The following ERCC6 variants were observed in gnomAD, a reference collection of about 807,000 sequenced individuals.
ERCC6 encodes the protein DNA excision repair protein ERCC-6.
Under a neutral mutation model 158.7 loss-of-function variants are expected in ERCC6, and 116 were observed. The observed-to-expected ratio is 0.73, with a 90% CI of 0.63 to 0.85. The LOEUF (loss-of-function observed/expected upper bound fraction) is 0.85. Ranked by LOEUF, ERCC6 falls within the 40% of genes least tolerant of loss-of-function variation. The pLI, the probability that ERCC6 is intolerant of heterozygous loss-of-function variation, is 0.00. For synonymous variants in ERCC6, 678 were observed against 659.3 expected (o/e 1.03, Z -0.43); for missense variants, 1,698 against 1,799.4 (o/e 0.94, Z 1.02).
At chr10:49,467,998 G>C (rs1261475896) in intron 18 of ERCC6, among the ~76,000 whole-genome samples, 2 of 152,156 alleles carry the variant, frequency 1.3e-5, no homozygotes, top group Non-Finnish European at 1.5e-5. Flanking sequence ...CCCTACTACA[G>C]AGGCAAGACC....
At chr10:49,506,247 A>C in intron 5 of ERCC6, 1 of 551,382 alleles carries the variant, frequency 1.8e-6, no homozygotes, top group South Asian at 2.2e-5. Flanking sequence ...TATTTCTTTA[A>C]GGTCTCATTT....
chr10:49,499,781 A>G (rs1454161694), intron 7 of ERCC6, among the ~76,000 whole-genome samples: 2 of 152,234 alleles, frequency 1.3e-5, no homozygotes, highest in Non-Finnish European at 2.9e-5. Context: ...ACCATATCAA[A>G]TAGATTAAAT....
the ERCC6 span, among the ~76,000 whole-genome samples, chr10:49,447,950 G>A: frequency 3.3e-5 from 5 of 152,098 alleles, no homozygotes; most frequent in South Asian, 2.1e-4. Context: ...GTCAATGGAC[G>A]CTTCAACTGT....
downstream of ERCC6, among the ~76,000 whole-genome samples, chr10:49,452,750 G>C (rs994856110): frequency 1.1e-4 from 17 of 151,786 alleles, no homozygotes; most frequent in African/African-American, 4.1e-4. Flanking sequence ...TTTTGATACT[G>C]TTAAGTTCAT....
chr10:49,516,421 C>T, intron 5 of ERCC6: 1 of 1,614,138 alleles, frequency 6.2e-7, no homozygotes, highest in South Asian at 1.1e-5. Context: ...GCATTGTCAG[C>T]AACATGCAAA....
At chr10:49,493,399 A>C in intron 7 of ERCC6, 147 bp from the exon 8 acceptor site, 2 of 1,031,660 alleles carry the variant, frequency 1.9e-6, no homozygotes, top group African/African-American at 1.6e-5. Flanking sequence ...TTTCTTTAAG[A>C]AAAAGTTACT....
intron 11 of ERCC6, among the ~76,000 whole-genome samples, chr10:49,477,307 CT>C (rs1175112818): frequency 6.6e-6 from 1 of 152,138 alleles, no homozygotes; most frequent in Non-Finnish European, 1.5e-5. Flanking sequence ...GGAAGAGGTT[CT>C]TGTACAGGAT....
At chr10:49,496,114 T>C (rs1010863688) in intron 7 of ERCC6, among the ~76,000 whole-genome samples, 3 of 152,200 alleles carry the variant, frequency 2.0e-5, no homozygotes, top group Non-Finnish European at 4.4e-5. Context: ...ACCTTCACCA[T>C]GTCCTGGTTA....
At chr10:49,521,763 A>G (rs2132614931) in intron 5 of ERCC6, among the ~76,000 whole-genome samples, 1 of 152,332 alleles carries the variant, frequency 6.6e-6, no homozygotes, top group East Asian at 1.9e-4. Flanking sequence ...TTAAAACTTC[A>G]AAGACTGAGC....
chr10:49,479,239 C>T (rs900266376), intron 10 of ERCC6, among the ~76,000 whole-genome samples: 2 of 151,992 alleles, frequency 1.3e-5, no homozygotes, highest in Non-Finnish European at 2.9e-5. Flanking sequence ...ATTACTATTT[C>T]ATGGAAAAAA....
At chr10:49,505,788 C>A in intron 6 of ERCC6, 96 bp downstream of exon 6, 1 of 1,456,076 alleles carries the variant, frequency 6.9e-7, no homozygotes, top group South Asian at 1.2e-5. Flanking sequence ...CAAGTACCTT[C>A]AGGGCCCACA....
intron 1 of ERCC6, 47 bp from the exon 2 acceptor site, chr10:49,533,025 T>C: frequency 6.3e-7 from 1 of 1,586,402 alleles, no homozygotes; most frequent in East Asian, 2.3e-5. Flanking sequence ...TAGGATTCAT[T>C]GTAGTTCTTA....
intron 8 of ERCC6, among the ~76,000 whole-genome samples, chr10:49,485,410 A>G (rs558605850): frequency 1.7e-4 from 26 of 152,378 alleles, no homozygotes; most frequent in African/African-American, 6.0e-4. Flanking sequence ...TATGTGATAT[A>G]CATACCATTT....
At chr10:49,480,430 C>T (rs550655445) in intron 10 of ERCC6, among the ~76,000 whole-genome samples, 6 of 152,200 alleles carry the variant, frequency 3.9e-5, no homozygotes, top group African/African-American at 1.2e-4. Context: ...GGCACACAGA[C>T]TATCTTCTTA....
rs559306653 is a variant in ERCC6 at position 49,476,273 on chromosome 10, A to G, written c.2324T>C (p.Val775Ala). 1 of 1,614,048 alleles carries G rather than the reference A, an allele frequency of 6.2e-7. No individual in the cohort carries two copies. Among genetic ancestry groups the G allele is most frequent in the Non-Finnish European group, 8.5e-7 (1 of 1,179,920 alleles). Reference protein sequence around the residue: ...FCRLTDEQHKVYQNFVDSKEV... With the variant: ...FCRLTDEQHKAYQNFVDSKEV... ...TTTGGAATCAACGAAATTTTGGTAG[A>G]CTTTATGCTGCTCATCTGTAAGACG... The change falls in exon 12 of 21, where the codon GTC becomes GCC. Residue 775 changes from valine to alanine, a missense_variant. Coordinates refer to ENST00000355832, the MANE Select transcript of ERCC6 (RefSeq NM_000124.4).
chr10:49,484,089 C>T (rs1024700383), intron 8 of ERCC6, among the ~76,000 whole-genome samples: 11 of 149,820 alleles, frequency 7.3e-5, no homozygotes, highest in Admixed American at 3.3e-4. Flanking sequence ...GACCAGCCTA[C>T]GCAACATGGT....
chr10:49,469,463 A>G (rs1352216528), intron 18 of ERCC6, among the ~76,000 whole-genome samples: 1 of 152,252 alleles, frequency 6.6e-6, no homozygotes, highest in African/African-American at 2.4e-5. Flanking sequence ...AGGATATAGG[A>G]GAGTTCTTCG....
intron 5 of ERCC6, among the ~76,000 whole-genome samples, chr10:49,523,757 T>C (rs1693218056): frequency 6.6e-6 from 1 of 152,124 alleles, no homozygotes; most frequent in Non-Finnish European, 1.5e-5. Context: ...CTCAGCCCTC[T>C]GTATGCCTCT....
At chr10:49,515,077 A>T in intron 5 of ERCC6, 1 of 658,752 alleles carries the variant, frequency 1.5e-6, no homozygotes, top group Non-Finnish European at 2.1e-6. Context: ...TTTGTTATTT[A>T]AAAGAAGGCA....
Sources: gnomAD v4.1 joint callset for allele counts (sites outside exome capture counted in the v4.1 genomes callset) on GRCh38, gnomAD v4.1.1 for gene constraint, MANE v1.5 for transcripts, NCBI Gene and HGNC (gene_info 2026-07-23, HGNC 2026-07-21) for gene names.